The following SGK1 variants were observed in gnomAD, a reference collection of about 807,000 sequenced individuals.
SGK1 encodes the protein serum/glucocorticoid regulated kinase 1.
Under a neutral mutation model 64.2 loss-of-function variants are expected in SGK1, and 26 were observed. That is an observed-to-expected ratio of 0.40 (90% CI 0.30 to 0.56). SGK1 has a LOEUF of 0.56. Ranked by LOEUF, SGK1 falls within the 20% of genes least tolerant of loss-of-function variation. SGK1 has a pLI of 0.38. For synonymous variants in SGK1, 265 were observed against 239.7 expected, an observed-to-expected ratio of 1.11 and a Z score of -0.98; for missense variants, 519 against 645.6, an observed-to-expected ratio of 0.80 and a Z score of 2.12.
intron 3 of SGK1, chr6:134,174,959 C>A: frequency 7.2e-7 from 1 of 1,395,384 alleles, no homozygotes; most frequent in Non-Finnish European, 9.4e-7. Flanking sequence ...TCGCCTCGCC[C>A]CTCGCCCCGC....
chr6:134,206,377 A>G, intron 3 of SGK1, among the ~76,000 whole-genome samples: 1 of 4,154 alleles, frequency 2.4e-4, no homozygotes, highest in African/African-American at 6.5e-4. Flanking sequence ...ATATATATAT[A>G]TATATATTTT....
intron 1 of SGK1, among the ~76,000 whole-genome samples, chr6:134,284,533 T>A (rs1777149558): frequency 6.6e-6 from 1 of 151,032 alleles, no homozygotes; most frequent in South Asian, 2.1e-4. Flanking sequence ...TCGCCCAGGC[T>A]GGAGTACAAT....
chr6:134,174,431 G>C, intron 4 of SGK1, 80 bp downstream of exon 4: 1 of 1,029,740 alleles, frequency 9.7e-7, no homozygotes, highest in East Asian at 2.4e-5. Flanking sequence ...TCGCCTTCCC[G>C]ATAAACGCCG....
chr6:134,292,404 C>T (rs1777281227), intron 1 of SGK1, among the ~76,000 whole-genome samples: 1 of 152,118 alleles, frequency 6.6e-6, no homozygotes, highest in Non-Finnish European at 1.5e-5. Flanking sequence ...ACCAGCCTGG[C>T]CAACATGGTG....
chr6:134,230,749 C>T (rs1776264849), intron 2 of SGK1, among the ~76,000 whole-genome samples: 1 of 152,226 alleles, frequency 6.6e-6, no homozygotes, highest in Non-Finnish European at 1.5e-5. Context: ...AGCAGTGGCT[C>T]ATGCCTGTAA....
intron 3 of SGK1, chr6:134,180,175 A>C (rs1278795684): frequency 6.6e-6 from 1 of 152,364 alleles, no homozygotes; most frequent in Admixed American, 6.5e-5. Flanking sequence ...GCTGGTCTCA[A>C]ACTCCTGGGC....
At position 134,172,321 on chromosome 6, in the gene SGK1, A is replaced by T; in HGVS notation, c.948-5T>A. ...ATATTCTCTGGTTTTAAGTCTCTGT[A>T]AAAAAGTGAATAGAAAAGTAGTTGC... On this transcript the variant is annotated splice_polypyrimidine_tract_variant and splice_region_variant and intron_variant, in intron 9 of 13. Transcript: ENST00000367858. 2 of 1,607,602 alleles carry T rather than the reference A, an allele frequency of 1.2e-6. No homozygotes were observed. Among genetic ancestry groups the T allele is most frequent in the Non-Finnish European group, 1.7e-6 (2 of 1,177,308 alleles).
chr6:134,303,305 T>C (rs547276690), intron 1 of SGK1, among the ~76,000 whole-genome samples: 12 of 151,826 alleles, frequency 7.9e-5, no homozygotes, highest in Admixed American at 6.6e-4. Context: ...GGCAGGAGAA[T>C]GGCGTGAACC....
At chr6:134,171,482 A>T in intron 11 of SGK1, 155 bp downstream of exon 11, 1 of 627,124 alleles carries the variant, frequency 1.6e-6, no homozygotes, top group East Asian at 2.7e-5. Flanking sequence ...CAGGTAAGTG[A>T]TTATTCTTAT....
intron 2 of SGK1, among the ~76,000 whole-genome samples, chr6:134,248,152 A>G (rs1226178076): frequency 6.6e-6 from 1 of 152,064 alleles, no homozygotes; most frequent in Non-Finnish European, 1.5e-5. Flanking sequence ...CTTGGGTCTG[A>G]TTAGTGTAGT....
chr6:134,297,341 C>T, intron 1 of SGK1: 1 of 1,069,714 alleles, frequency 9.3e-7, no homozygotes, highest in Non-Finnish European at 1.4e-6. Flanking sequence ...GCTAGGCCCG[C>T]TGCAGGGCGG....
chr6:134,270,553 G>A (rs1776923704), intron 1 of SGK1, among the ~76,000 whole-genome samples: 1 of 148,236 alleles, frequency 6.7e-6, no homozygotes, highest in Non-Finnish European at 1.5e-5. Context: ...GACCTATCCT[G>A]GAGCAGGCAC....
At chr6:134,232,366 T>C (rs111534758) in intron 2 of SGK1, among the ~76,000 whole-genome samples, 11,304 of 136,566 alleles carry the variant, frequency 0.083, 817 homozygotes, top group East Asian at 0.26. Context: ...GCCTGGGCGA[T>C]AGAGCAAGAC....
intron 1 of SGK1, among the ~76,000 whole-genome samples, chr6:134,313,204 T>C (rs1363659275): frequency 1.3e-5 from 2 of 152,176 alleles, no homozygotes; most frequent in African/African-American, 4.8e-5. Context: ...ATTGTTCAAA[T>C]GCATATAATC....
intron 2 of SGK1, among the ~76,000 whole-genome samples, chr6:134,244,987 G>C (rs1776504789): frequency 6.6e-6 from 1 of 152,224 alleles, no homozygotes; most frequent in Non-Finnish European, 1.5e-5. Flanking sequence ...TGTTGGCCAG[G>C]CTGGTCTTGA....
At chr6:134,285,721 G>T (rs559190680) in intron 1 of SGK1, among the ~76,000 whole-genome samples, 16 of 150,356 alleles carry the variant, frequency 1.1e-4, no homozygotes, top group South Asian at 4.2e-4. Flanking sequence ...TTTTGATGGG[G>T]TTTTTTTTTC....
intron 2 of SGK1, among the ~76,000 whole-genome samples, chr6:134,255,920 T>G (rs571880709): frequency 1.3e-5 from 2 of 152,094 alleles, no homozygotes; most frequent in Non-Finnish European, 2.9e-5. Context: ...CTAGGAAGTA[T>G]GAGAAAAATG....
At chr6:134,296,940 C>T (rs1777361338) in intron 1 of SGK1, 1 of 365,614 alleles carries the variant, frequency 2.7e-6, no homozygotes, top group Admixed American at 3.7e-5. Context: ...GGGCCTCCCT[C>T]CTGGGCTCTG....
chr6:134,278,908 G>A lies in SGK1; in HGVS notation c.70-16760C>T, dbSNP rs372357845. The stretch of plus-strand genomic sequence containing the variant: ...GAAAAGAAAACTGGCTGTGACCTCC[G>A]TACAATTGAGACAGAGGAAAATGAC... On this transcript the variant is annotated intron_variant, in intron 1 of 13. Transcript: ENST00000367858. Among the ~76,000 whole-genome samples, 43 of 152,022 alleles carry A rather than the reference G, an allele frequency of 2.8e-4. 1 individual carries two copies. Among genetic ancestry groups the A allele is most frequent in the African/African-American group, 6.3e-4 (26 of 41,492 alleles).
Sources: allele counts gnomAD v4.1 joint callset (sites outside exome capture counted in the v4.1 genomes callset), GRCh38; gene constraint gnomAD v4.1.1; transcripts MANE v1.5; gene names NCBI Gene and HGNC (gene_info 2026-07-23, HGNC 2026-07-21).